The following CLPB variants were observed in gnomAD, a reference collection of about 807,000 sequenced individuals.
CLPB encodes mitochondrial disaggregase.
A neutral mutation model predicts 78.4 loss-of-function variants in CLPB; 40 were observed. The ratio of observed to expected loss-of-function variants is 0.51; its 90% CI spans 0.40 to 0.66. The LOEUF is 0.66. Among genes scored for constraint, CLPB ranks in the 30% least tolerant of loss-of-function variants. The pLI, the probability that CLPB is intolerant of heterozygous loss-of-function variation, is 0.00. For missense variants in CLPB, 780 were observed against 886.9 expected (o/e 0.88, Z 1.53); for synonymous variants, 333 against 348.0 (o/e 0.96, Z 0.48).
At chr11:72,342,893 T>C (rs1950446367) in intron 5 of CLPB, among the ~76,000 whole-genome samples, 1 of 152,070 alleles carries the variant, frequency 6.6e-6, no homozygotes, top group Admixed American at 6.5e-5. Flanking sequence ...TCTAACAACA[T>C]TGAAAGGAGG....
At chr11:72,327,208 A>T (rs1302778932) in intron 6 of CLPB, among the ~76,000 whole-genome samples, 1 of 152,172 alleles carries the variant, frequency 6.6e-6, no homozygotes, top group Non-Finnish European at 1.5e-5. Flanking sequence ...CAATAAGCCT[A>T]GCCACTCTGG....
intron 2 of CLPB, among the ~76,000 whole-genome samples, chr11:72,428,412 C>T (rs1856450196): frequency 6.6e-6 from 1 of 152,222 alleles, no homozygotes; most frequent in Non-Finnish European, 1.5e-5. Flanking sequence ...ACTCCTCACC[C>T]TGGGCATGGC....
chr11:72,294,337 G>T lies in CLPB; in HGVS notation c.1668C>A (p.Phe556Leu). 1 of 1,614,236 alleles carries T rather than the reference G, an allele frequency of 6.2e-7. No homozygotes were observed. The change falls in exon 14 of 16, where the codon TTC (phenylalanine) becomes TTA (leucine). Residue 556 changes from phenylalanine (F) to leucine (L), a missense_variant. Coordinates refer to ENST00000538039, the MANE Select transcript of CLPB (RefSeq NM_001258392.3). ...AGTTCCCTCTTACTCTCTTGGCCCAGAAGTTTAGTTCCTTGTTGACGAGTT... is the reference window on the plus strand; with the variant it reads ...AGTTCCCTCTTACTCTCTTGGCCCATAAGTTTAGTTCCTTGTTGACGAGTT... ...LIQLVNKELN[F>L]WAKRAKQRHN...
At position 72,380,298 on chromosome 11, in the gene CLPB, C is replaced by T; in HGVS notation, c.629G>A (p.Gly210Glu). Residue 210 changes from glycine to glutamate, a missense_variant, in exon 4 of 16, where the codon GGA becomes GAA. Transcript: ENST00000538039. Reference sequence around the variant, plus strand: ...ACACTTACCTTCCAAAGAATGGATTCCCTGTTCCTTGGCAGTCTTGTAAAC... The same window carrying T: ...ACACTTACCTTCCAAAGAATGGATTTCCTGTTCCTTGGCAGTCTTGTAAAC... ...SSVYKTAKEQ[G>E]IHSLEVLITR... 2 of 1,613,634 alleles carry T rather than the reference C, an allele frequency of 1.2e-6. No individual in the cohort carries two copies. Among genetic ancestry groups the T allele is most frequent in the Non-Finnish European group, 1.7e-6 (2 of 1,179,520 alleles).
At chr11:72,337,259 A>C in intron 5 of CLPB, 1 of 397,014 alleles carries the variant, frequency 2.5e-6, no homozygotes, top group East Asian at 3.6e-5. Flanking sequence ...CAACATACGT[A>C]TGTACACAGA....
Position 72,295,594 on chromosome 11 carries a change from T to A in CLPB, c.1384A>T (p.Ile462Phe). The A allele has an allele frequency of 6.2e-7, 1 of 1,614,154 alleles. No individual in the cohort carries two copies. Among genetic ancestry groups the A allele is most frequent in the African/African-American group, 1.3e-5 (1 of 75,058 alleles). ...KTIDCKDAIF[I>F]MTSNVASDEI... ...TCGCTGGCCACATTGGAGGTCATGA[T>A]GAAGATGGCGTCCTTGCAATCAATG... The change falls in exon 12 of 16, where the codon ATC (isoleucine) becomes TTC (phenylalanine). Residue 462 changes from isoleucine to phenylalanine, a missense_variant. Transcript: ENST00000538039.
chr11:72,404,706 C>T (rs1018395756), intron 2 of CLPB, among the ~76,000 whole-genome samples: 10 of 152,094 alleles, frequency 6.6e-5, no homozygotes, highest in Non-Finnish European at 1.5e-4. Context: ...AGGAGTGTTC[C>T]AGGTAGACGC....
intron 5 of CLPB, among the ~76,000 whole-genome samples, chr11:72,357,696 C>T (rs920984327): frequency 1.0e-4 from 14 of 137,928 alleles, no homozygotes; most frequent in African/African-American, 3.9e-4. Context: ...AACTCCGTGT[C>T]CCAGAAAAAA....
At chr11:72,344,476 T>A (rs539350816) in intron 5 of CLPB, among the ~76,000 whole-genome samples, 8 of 152,108 alleles carry the variant, frequency 5.3e-5, no homozygotes, top group Non-Finnish European at 1.0e-4. Context: ...CCTCCCAAAG[T>A]GGTGGGATTG....
chr11:72,308,447 C>T (rs1031902428), intron 8 of CLPB, 80 bp downstream of exon 8: 26 of 1,288,270 alleles, frequency 2.0e-5, no homozygotes, highest in South Asian at 1.2e-4. Context: ...GACCCTGGCC[C>T]GCAGCAGCTG....
intron 2 of CLPB, among the ~76,000 whole-genome samples, chr11:72,417,555 A>G (rs1376850778): frequency 6.6e-6 from 1 of 152,198 alleles, no homozygotes; most frequent in East Asian, 1.9e-4. Flanking sequence ...TAAATGTTCT[A>G]AAATCCACTA....
intron 4 of CLPB, among the ~76,000 whole-genome samples, chr11:72,379,215 T>C (rs1021888078): frequency 6.6e-6 from 1 of 152,022 alleles, no homozygotes; most frequent in African/African-American, 2.4e-5. Flanking sequence ...TGGCTGAATT[T>C]CCCCCAGCGT....
Position 72,358,899 on chromosome 11 carries a change from G to T in CLPB, c.756C>A (p.Val252=). The T allele has an allele frequency of 6.6e-7, 1 of 1,524,274 alleles. No individual in the cohort carries two copies. The highest frequency in any genetic ancestry group is 1.1e-5 in the South Asian group (1 of 89,704). The allele number at this position is 1,524,274 out of a possible 1,614,324, so 94.4% of individuals were successfully genotyped here. ...YAVLADDYRT[V]KELLDGGANP... is the part of the protein sequence containing the mutation. ...TCTCACCTCCATCAAGCAGCTCCTT[G>T]ACAGTGCGGTAGTCATCAGCAAGAA... Residue 252 remains valine, a synonymous_variant, in exon 5 of 16, where the codon GTC becomes GTA. Transcript: ENST00000538039.
intron 2 of CLPB, among the ~76,000 whole-genome samples, chr11:72,426,270 C>T (rs1353098703): frequency 3.3e-5 from 5 of 152,186 alleles, no homozygotes; most frequent in Non-Finnish European, 7.3e-5. Flanking sequence ...TGATCTCCAC[C>T]GGGAGAACAG....
chr11:72,319,974 G>A (rs1023818533), intron 6 of CLPB, among the ~76,000 whole-genome samples: 1 of 152,218 alleles, frequency 6.6e-6, no homozygotes, highest in Non-Finnish European at 1.5e-5. Flanking sequence ...GAAGCCATGA[G>A]CCGAGTCCAC....
intron 6 of CLPB, among the ~76,000 whole-genome samples, chr11:72,326,012 C>T (rs1290640412): frequency 6.6e-6 from 1 of 152,182 alleles, no homozygotes; most frequent in Non-Finnish European, 1.5e-5. Flanking sequence ...CTAATAGTCA[C>T]TTATAACAAC....
chr11:72,370,318 GACAC>G (rs150619757), intron 4 of CLPB, among the ~76,000 whole-genome samples: 11 of 150,914 alleles, frequency 7.3e-5, no homozygotes, highest in Non-Finnish European at 1.0e-4. Context: ...CTAGGACACA[GACAC>G]ACACACACAC....
chr11:72,381,050 A>T (rs997969876), intron 3 of CLPB, among the ~76,000 whole-genome samples: 2 of 152,234 alleles, frequency 1.3e-5, no homozygotes, highest in Admixed American at 6.5e-5. Flanking sequence ...TTGAACAATT[A>T]TCCACATGCA....
At chr11:72,361,917 G>A (rs1473896821) in intron 4 of CLPB, among the ~76,000 whole-genome samples, 1 of 152,188 alleles carries the variant, frequency 6.6e-6, no homozygotes, top group Non-Finnish European at 1.5e-5. Context: ...CAATGACAGA[G>A]CTATACACAG....
Sources: gnomAD v4.1 joint callset for allele counts (sites outside exome capture counted in the v4.1 genomes callset) on GRCh38, gnomAD v4.1.1 for gene constraint, MANE v1.5 for transcripts, NCBI Gene and HGNC (gene_info 2026-07-23, HGNC 2026-07-21) for gene names.